The following PKHD1 variants were observed in gnomAD, a reference collection of about 807,000 sequenced individuals.
The protein encoded by PKHD1 is PKHD1 ciliary IPT domain containing fibrocystin/polyductin.
Under a neutral mutation model 412.0 loss-of-function variants are expected in PKHD1, and 291 were observed. The ratio of observed to expected loss-of-function variants is 0.71; its 90% CI spans 0.64 to 0.78. PKHD1 has a LOEUF of 0.78. Among genes scored for constraint, PKHD1 ranks in the 30% least tolerant of loss-of-function variants. The pLI is 0.00. For synonymous variants in PKHD1, 1,777 were observed against 1,821.5 expected, an observed-to-expected ratio of 0.98 and a Z score of 0.62; for missense variants, 4,825 against 4,950.7, an observed-to-expected ratio of 0.97 and a Z score of 0.76.
At chr6:51,734,061 C>G (rs1253017221) in intron 60 of PKHD1, among the ~76,000 whole-genome samples, 1 of 152,148 alleles carries the variant, frequency 6.6e-6, no homozygotes, top group Non-Finnish European at 1.5e-5. Context: ...GCAATATTTC[C>G]CAGAATGTGT....
At chr6:51,982,537 T>G (rs2128039372) in intron 35 of PKHD1, among the ~76,000 whole-genome samples, 1 of 139,620 alleles carries the variant, frequency 7.2e-6, no homozygotes, top group Non-Finnish European at 1.6e-5. Flanking sequence ...CTGAAACATG[T>G]GCTGTGTCCA....
chr6:51,969,160 G>A (rs1224864399), intron 35 of PKHD1, among the ~76,000 whole-genome samples: 1 of 152,196 alleles, frequency 6.6e-6, no homozygotes, highest in Non-Finnish European at 1.5e-5. Flanking sequence ...ATGTGGCTTG[G>A]AGGAGACCAT....
intron 55 of PKHD1, among the ~76,000 whole-genome samples, chr6:51,757,150 G>C (rs766467446): frequency 2.0e-5 from 3 of 152,080 alleles, no homozygotes; most frequent in Non-Finnish European, 4.4e-5. Context: ...TGGCCCTGGG[G>C]GTTGGGGACC....
chr6:51,962,636 T>C (rs938946547), intron 35 of PKHD1, among the ~76,000 whole-genome samples: 1 of 152,054 alleles, frequency 6.6e-6, no homozygotes, highest in Non-Finnish European at 1.5e-5. Context: ...AAGTTCATAG[T>C]GATGGAGGCA....
chr6:52,070,779 C>T (rs765195155), intron 9 of PKHD1, among the ~76,000 whole-genome samples: 9 of 151,948 alleles, frequency 5.9e-5, no homozygotes, highest in Non-Finnish European at 1.2e-4. Context: ...ATTTTTCTCA[C>T]CTGCAAAGCC....
chr6:51,836,177 C>T (rs937077089), intron 51 of PKHD1, among the ~76,000 whole-genome samples: 1 of 152,170 alleles, frequency 6.6e-6, no homozygotes, highest in African/African-American at 2.4e-5. Flanking sequence ...TTACATGTTT[C>T]AATTCTTACT....
chr6:51,673,183 C>T lies in PKHD1; in HGVS notation c.10157-13214G>A, dbSNP rs191668650. ...AACCCGTGAAACAACAAGCCTCAAA[C>T]AGCCAGTACTTGATTAATAACTGTC... On this transcript the variant is annotated intron_variant, in intron 60 of 66. Transcript: ENST00000371117. Among the ~76,000 whole-genome samples the T allele has an allele frequency of 5.3e-5, 8 of 152,316 alleles. No individual in the cohort carries two copies. The East Asian group carries it at 1.4e-3, about 26-fold the overall frequency.
chr6:51,651,726 A>G (rs1771010993), intron 61 of PKHD1, among the ~76,000 whole-genome samples: 1 of 152,100 alleles, frequency 6.6e-6, no homozygotes, highest in Non-Finnish European at 1.5e-5. Flanking sequence ...AGTGATCACA[A>G]TACATCATAG....
At chr6:51,707,030 T>C (rs971758510) in intron 60 of PKHD1, among the ~76,000 whole-genome samples, 3 of 152,208 alleles carry the variant, frequency 2.0e-5, no homozygotes, top group Non-Finnish European at 4.4e-5. Context: ...TACTAAAACA[T>C]GTTCACTTAA....
At chr6:51,765,034 C>T (rs1350405702) in intron 55 of PKHD1, among the ~76,000 whole-genome samples, 7 of 152,110 alleles carry the variant, frequency 4.6e-5, no homozygotes, top group African/African-American at 7.2e-5. Context: ...TTGGCATCTA[C>T]TCTTGGTGTC....
At chr6:51,883,475 A>G (rs1490161507) in intron 45 of PKHD1, among the ~76,000 whole-genome samples, 1 of 152,192 alleles carries the variant, frequency 6.6e-6, no homozygotes, top group East Asian at 1.9e-4. Flanking sequence ...AAAAAGATCA[A>G]TATGAATTCT....
intron 37 of PKHD1, among the ~76,000 whole-genome samples, 181 bp downstream of exon 37, chr6:51,933,929 C>A (rs112887510): frequency 6.6e-6 from 1 of 152,180 alleles, no homozygotes; most frequent in Non-Finnish European, 1.5e-5. Flanking sequence ...CAATTGGGAA[C>A]GGTAGTGTAC....
rs1284672464 is a variant in PKHD1, at chr6:52,061,414, C to G, written c.1118+1105G>C. On this transcript the variant is annotated intron_variant, in intron 14 of 66. Coordinates refer to ENST00000371117, the MANE Select transcript of PKHD1 (RefSeq NM_138694.4). ...AAACTCCTAGACTCAGGCGATCCTC[C>G]TGTCTCAGCCTCCCAAGTAGATGGG... is the stretch of plus-strand genomic sequence containing the variant. Among the ~76,000 whole-genome samples the G allele has an allele frequency of 4.6e-5, 7 of 152,258 alleles. No homozygotes were observed. In the East Asian group the frequency reaches 1.4e-3, roughly 30 times the overall value.
intron 33 of PKHD1, 31 bp from the exon 34 acceptor site, chr6:52,017,660 C>A: frequency 6.4e-7 from 1 of 1,558,790 alleles, no homozygotes; most frequent in Non-Finnish European, 8.8e-7. Flanking sequence ...TAGGAAAGAA[C>A]CACAGAGAGA....
chr6:51,724,793 G>T (rs775499872), intron 60 of PKHD1, among the ~76,000 whole-genome samples: 2 of 152,130 alleles, frequency 1.3e-5, no homozygotes, highest in Admixed American at 6.5e-5. Context: ...AATCACAAGT[G>T]TCCTTATAAG....
chr6:51,979,615 CCA>C (rs778448881), intron 35 of PKHD1, among the ~76,000 whole-genome samples: 1 of 151,950 alleles, frequency 6.6e-6, no homozygotes, highest in African/African-American at 2.4e-5. Flanking sequence ...GACCTGCCTC[CCA>C]CACACACTTA....
chr6:51,886,000 G>T (rs368454556), intron 44 of PKHD1, 28 bp from the exon 45 acceptor site: 238 of 1,305,020 alleles, frequency 1.8e-4, no homozygotes, highest in Non-Finnish European at 2.5e-4. Context: ...ATGAAATTAA[G>T]CCAATTTTTA....
intron 60 of PKHD1, 125 bp downstream of exon 60, chr6:51,744,259 CA>C (rs1784920972): frequency 1.2e-6 from 1 of 843,588 alleles, no homozygotes; most frequent in Non-Finnish European, 2.1e-6. Context: ...AGCAGATTAG[CA>C]CAGACTCCAA....
chr6:51,659,596 TAAG>T lies in PKHD1; in HGVS notation c.10527_10529del (p.Phe3509del), dbSNP rs1345766794. On this transcript the variant is annotated inframe_deletion, in exon 61 of 67. Transcript: ENST00000371117. ...GAGTGGGTGGAATAAAACTTTCCCC[TAAG>T]AAGACGTGGGGGCTCTGGAGCTCAT... 1.9e-6 allele frequency: 3 copies of T among 1,613,650 alleles called. No individual in the cohort carries two copies. Among genetic ancestry groups the T allele is most frequent in the Non-Finnish European group, 2.5e-6 (3 of 1,179,794 alleles).
Sources: allele counts gnomAD v4.1 joint callset (sites outside exome capture counted in the v4.1 genomes callset), GRCh38; gene constraint gnomAD v4.1.1; transcripts MANE v1.5; gene names NCBI Gene and HGNC (gene_info 2026-07-23, HGNC 2026-07-21).